The following SDK2 variants were observed in gnomAD, a reference collection of about 807,000 sequenced individuals.
SDK2 encodes protein sidekick-2.
Under a neutral mutation model 253.9 loss-of-function variants are expected in SDK2, and 105 were observed. The ratio of observed to expected loss-of-function variants is 0.41; its 90% CI spans 0.35 to 0.49. The LOEUF is 0.49. Ranked by LOEUF, SDK2 falls within the 20% of genes least tolerant of loss-of-function variation. The pLI, the probability that SDK2 is intolerant of heterozygous loss-of-function variation, is 0.06. For missense variants in SDK2, 2,608 were observed against 3,003.0 expected (o/e 0.87, Z 3.07); for synonymous variants, 1,249 against 1,234.9 (o/e 1.01, Z -0.24).
chr17:73,525,197 A>T (rs1318110090), intron 1 of SDK2, among the ~76,000 whole-genome samples: 1 of 152,144 alleles, frequency 6.6e-6, no homozygotes, highest in Non-Finnish European at 1.5e-5. Context: ...CAGCTGTGTG[A>T]GATCCAAGAC....
chr17:73,588,551 C>T (rs570133258), intron 1 of SDK2, among the ~76,000 whole-genome samples: 38 of 152,262 alleles, frequency 2.5e-4, no homozygotes, highest in African/African-American at 8.4e-4. Context: ...GTGCTCTAGG[C>T]TGCTGGTTCT....
chr17:73,389,470 CA>C (rs768944319), intron 29 of SDK2, among the ~76,000 whole-genome samples: 13 of 152,138 alleles, frequency 8.5e-5, no homozygotes, highest in Admixed American at 5.9e-4. Context: ...AGGTGTGAGC[CA>C]CCATGCCCGG....
At chr17:73,375,382 G>T (rs1341527499) in intron 36 of SDK2, among the ~76,000 whole-genome samples, 4 of 151,584 alleles carry the variant, frequency 2.6e-5, no homozygotes, top group African/African-American at 9.7e-5. Context: ...TGGGACTACA[G>T]GCATGTGCCA....
intron 23 of SDK2, 51 bp from the exon 24 acceptor site, chr17:73,398,236 T>C: frequency 1.3e-6 from 2 of 1,599,988 alleles, no homozygotes; most frequent in Non-Finnish European, 1.7e-6. Context: ...CACCCAACTC[T>C]CAACCCTGTC....
At chr17:73,390,190 G>T in intron 29 of SDK2, 97 bp downstream of exon 29, 1 of 1,061,546 alleles carries the variant, frequency 9.4e-7, no homozygotes, top group Non-Finnish European at 1.3e-6. Flanking sequence ...CCAGGGCACT[G>T]CAGCTCATAC....
At chr17:73,442,231 A>G (rs1347641602) in intron 5 of SDK2, among the ~76,000 whole-genome samples, 2 of 152,232 alleles carry the variant, frequency 1.3e-5, no homozygotes, top group African/African-American at 4.8e-5. Context: ...GAAGCTGACC[A>G]TACTGGCTTC....
In SDK2 at chr17:73,466,721, C is replaced by CA. The variant is rs374089215; in HGVS notation, c.331+5390_331+5391insT. Among the ~76,000 whole-genome samples, 55 of 146,222 alleles carry CA rather than the reference C, an allele frequency of 3.8e-4. 6 individuals carry two copies. Among genetic ancestry groups the CA allele is most frequent in the Admixed American group, 2.4e-3 (36 of 14,802 alleles). On this transcript the variant is annotated intron_variant, in intron 3 of 44. Coordinates refer to ENST00000392650, the MANE Select transcript of SDK2 (RefSeq NM_001144952.2). Reference sequence around the variant, plus strand: ...TTTGGAGGCTCTGGGGAACGCCCCCCCCCCCCGGCTTAGGCTCTGCATCTT... The same window carrying CA: ...TTTGGAGGCTCTGGGGAACGCCCCCCACCCCCCGGCTTAGGCTCTGCATCTT...
chr17:73,440,911 G>A lies in SDK2; in HGVS notation c.626C>T (p.Pro209Leu), dbSNP rs976729101. The change falls in exon 6 of 45, where the codon CCT (proline) becomes CTT (leucine). Residue 209 changes from proline (P) to leucine (L), a missense_variant. By Grantham distance (98) the Pro-to-Leu change is moderately conservative. Transcript: ENST00000392650. The stretch of plus-strand genomic sequence containing the variant: ...GATGGTGGGTGCGATGGGGTCTGCA[G>A]GCCCCCCTACATCTGGAGAGAGATC... ...ITLTVENVGG[P>L]ADPIAPTIII... 3 of 1,550,378 alleles carry A rather than the reference G, an allele frequency of 1.9e-6. No homozygotes were observed. The highest frequency in any genetic ancestry group is 2.7e-5 in the African/African-American group (2 of 73,010).
At chr17:73,424,221 C>T in intron 12 of SDK2, 129 bp from the exon 13 acceptor site, 1 of 725,862 alleles carries the variant, frequency 1.4e-6, no homozygotes, top group East Asian at 2.7e-5. Flanking sequence ...AACAGCCAGG[C>T]AGGACACTGG....
chr17:73,387,377 G>A (rs538686487), intron 30 of SDK2, among the ~76,000 whole-genome samples: 1 of 152,152 alleles, frequency 6.6e-6, no homozygotes, highest in Non-Finnish European at 1.5e-5. Flanking sequence ...TAGATTTATG[G>A]GGGGTGGGAG....
chr17:73,456,846 C>T (rs1246577363), intron 3 of SDK2, among the ~76,000 whole-genome samples: 4 of 152,196 alleles, frequency 2.6e-5, no homozygotes, highest in Admixed American at 6.5e-5. Flanking sequence ...AATTCCAACA[C>T]GGAGGCTTGG....
At position 73,399,251 on chromosome 17, in the gene SDK2, T is replaced by C; in HGVS notation, c.3010A>G (p.Ile1004Val). ...TGCAAGGTCACAGAGCGGGGGCCGA[T>C]GTTGGAAATGCCCAGGTTGGTGGGG... The part of the protein sequence containing the change: ...GPPTNLGISN[I>V]GPRSVTLQFR... Residue 1004 changes from isoleucine (I) to valine (V), a missense_variant, in exon 22 of 45, where the codon ATC becomes GTC. Around this residue, in one of 2 missense-constraint regions of SDK2, gnomAD observed 1,505 missense variants for 1,859.1 expected, o/e 0.81. Transcript: ENST00000392650. 6.2e-7 allele frequency: 1 copy of C among 1,613,624 alleles called. No homozygotes were observed. Among genetic ancestry groups the C allele is most frequent in the South Asian group, 1.1e-5 (1 of 91,062 alleles).
chr17:73,344,142 C>A (rs1011604699), intron 44 of SDK2, among the ~76,000 whole-genome samples: 1 of 152,116 alleles, frequency 6.6e-6, no homozygotes, highest in African/African-American at 2.4e-5. Context: ...CAGAATTGTG[C>A]CCCTGGAGGC....
At chr17:73,596,933 C>T (rs539460951) in intron 1 of SDK2, among the ~76,000 whole-genome samples, 5 of 152,324 alleles carry the variant, frequency 3.3e-5, no homozygotes, top group Non-Finnish European at 4.4e-5. Flanking sequence ...GTCCAGGATG[C>T]GCAGGCAGAA....
At chr17:73,418,455 C>T (rs1212161579) in intron 16 of SDK2, among the ~76,000 whole-genome samples, 2 of 152,176 alleles carry the variant, frequency 1.3e-5, no homozygotes, top group Admixed American at 1.3e-4. Flanking sequence ...TTGAGAACCA[C>T]CGCCCTTCAG....
At chr17:73,426,553 A>AGC (rs1322275520) in intron 12 of SDK2, among the ~76,000 whole-genome samples, 1 of 152,202 alleles carries the variant, frequency 6.6e-6, no homozygotes, top group East Asian at 1.9e-4. Flanking sequence ...TTATAGTTAA[A>AGC]GCTGTGGTCC....
At chr17:73,351,918 A>G (rs887602945) in intron 41 of SDK2, among the ~76,000 whole-genome samples, 1 of 151,776 alleles carries the variant, frequency 6.6e-6, no homozygotes, top group Non-Finnish European at 1.5e-5. Context: ...GGGCCTTTGT[A>G]TTCTGGGTGG....
chr17:73,375,547 C>CT lies in SDK2; in HGVS notation c.4980+3629dup, dbSNP rs1568371219. Among the ~76,000 whole-genome samples, 11 of 151,584 alleles carry CT rather than the reference C, an allele frequency of 7.3e-5. No homozygotes were observed. The South Asian group carries it at 2.3e-3, about 32-fold the overall frequency. On this transcript the variant is annotated intron_variant, in intron 36 of 44. Transcript: ENST00000392650. ...CAGTTGTGAGCCACTGAGCCCAGCC[C>CT]TTAACAACCCATTTAAAATTTCAAA...
At chr17:73,574,554 G>A (rs2045432427) in intron 1 of SDK2, among the ~76,000 whole-genome samples, 1 of 152,138 alleles carries the variant, frequency 6.6e-6, no homozygotes, top group South Asian at 2.1e-4. Flanking sequence ...TGCAGGAGAT[G>A]GGGGTGGATC....
Sources: allele counts gnomAD v4.1 joint callset (sites outside exome capture counted in the v4.1 genomes callset), GRCh38; gene constraint gnomAD v4.1.1; regional missense constraint gnomAD v4.1.1; transcripts MANE v1.5; gene names NCBI Gene and HGNC (gene_info 2026-07-23, HGNC 2026-07-21).